Variants in USP45 observed in about 807,000 individuals in gnomAD.
USP45 encodes ubiquitin specific peptidase 45, also known as ubiquitin carboxyl-terminal hydrolase 45.
USP45 carries 89 observed loss-of-function variants against 95.8 expected under a neutral mutation model. The observed-to-expected ratio is 0.93, with a 90% CI of 0.78 to 1.11. USP45 has a LOEUF of 1.11. Among genes scored for constraint, USP45 ranks in the 50% least tolerant of loss-of-function variants. USP45 has a pLI of 0.00. For synonymous variants in USP45, 281 were observed against 316.2 expected (o/e 0.89, Z 1.18); for missense variants, 898 against 942.5 (o/e 0.95, Z 0.62).
chr6:99,466,586 G>T, intron 11 of USP45, 86 bp downstream of exon 11: 1 of 1,130,818 alleles, frequency 8.8e-7, no homozygotes, highest in Non-Finnish European at 1.3e-6. Flanking sequence ...AAAAATGACT[G>T]CCAATGATTA....
At chr6:99,491,111 T>C (rs1435028197) in intron 5 of USP45, among the ~76,000 whole-genome samples, 2 of 152,122 alleles carry the variant, frequency 1.3e-5, no homozygotes, top group Admixed American at 6.6e-5. Flanking sequence ...ACTAGCAAGA[T>C]AGGTCTCTTT....
At chr6:99,505,884 T>C (rs755539682) in intron 4 of USP45, among the ~76,000 whole-genome samples, 1 of 152,208 alleles carries the variant, frequency 6.6e-6, no homozygotes, top group Non-Finnish European at 1.5e-5. Context: ...CCTGAGATTC[T>C]GATGCACCTA....
intron 14 of USP45, among the ~76,000 whole-genome samples, chr6:99,444,021 A>T (rs1782008197): frequency 6.8e-6 from 1 of 148,050 alleles, no homozygotes; most frequent in East Asian, 2.0e-4. Flanking sequence ...TAGATTTCTA[A>T]TTTTTTTTTT....
At position 99,460,856 on chromosome 6, in the gene USP45, T is replaced by C. The variant is rs919793885; in HGVS notation, c.1308+3748A>G. 8 of 977,202 alleles carry C rather than the reference T, an allele frequency of 8.2e-6. No homozygotes were observed. In the African/African-American group the frequency reaches 1.2e-4, roughly 15 times the overall value. The allele number at this position is 977,202 out of a possible 1,614,324, so 60.5% of individuals were successfully genotyped here. The stretch of plus-strand genomic sequence containing the variant: ...TAAAAAGAAAACAGAGGAAATAAGA[T>C]GGAACACAAAAATTATTCAATTAAA... On this transcript the variant is annotated intron_variant, in intron 13 of 17. Transcript: ENST00000500704.
intron 5 of USP45, among the ~76,000 whole-genome samples, chr6:99,498,538 A>G (rs1341709641): frequency 6.6e-6 from 1 of 152,220 alleles, no homozygotes; most frequent in African/African-American, 2.4e-5. Flanking sequence ...AAAGCATCCT[A>G]GAAGTAGGAT....
chr6:99,462,197 T>C (rs1786621279), intron 13 of USP45: 1 of 975,852 alleles, frequency 1.0e-6, no homozygotes, highest in African/African-American at 1.8e-5. Context: ...CAAAAAATAT[T>C]ATATGAAAAA....
Position 99,503,412 on chromosome 6 carries a change from C to T in USP45, c.478+353G>A, listed in dbSNP as rs531407972. Among the ~76,000 whole-genome samples the T allele has an allele frequency of 4.6e-5, 7 of 152,002 alleles. No homozygotes were observed. The East Asian group carries it at 5.8e-4, about 13-fold the overall frequency. On this transcript the variant is annotated intron_variant, in intron 5 of 17. Coordinates refer to ENST00000500704, the MANE Select transcript of USP45 (RefSeq NM_001346022.3). Reference sequence around the variant, plus strand: ...CATGTTCTTGGCTCACTGCAACCTCCGCCTCCCCTCCCAGGTTCAAGCGAT... The same window carrying T: ...CATGTTCTTGGCTCACTGCAACCTCTGCCTCCCCTCCCAGGTTCAAGCGAT...
chr6:99,440,849 A>G (rs1436544660), intron 15 of USP45, among the ~76,000 whole-genome samples: 1 of 152,182 alleles, frequency 6.6e-6, no homozygotes, highest in Non-Finnish European at 1.5e-5. Context: ...GACCTCTATA[A>G]GCACCCAATA....
upstream of USP45, among the ~76,000 whole-genome samples, chr6:99,515,831 A>G (rs1405919492): frequency 1.4e-5 from 2 of 139,608 alleles, no homozygotes; most frequent in Non-Finnish European, 3.0e-5. Flanking sequence ...CTGCAGTGCA[A>G]TGGCAAGATC....
intron 13 of USP45, among the ~76,000 whole-genome samples, chr6:99,455,716 G>A (rs1440013447): frequency 6.9e-6 from 1 of 145,128 alleles, no homozygotes; most frequent in African/African-American, 2.6e-5. Context: ...ATGAAATCCT[G>A]TCATTTGCAT....
At chr6:99,509,412 G>A (rs185809650) in intron 2 of USP45, among the ~76,000 whole-genome samples, 11 of 152,260 alleles carry the variant, frequency 7.2e-5, no homozygotes. Flanking sequence ...TCATATGTGA[G>A]TGTGTTTGTG....
intron 15 of USP45, among the ~76,000 whole-genome samples, chr6:99,440,187 A>G (rs896999927): frequency 6.6e-6 from 1 of 152,218 alleles, no homozygotes; most frequent in African/African-American, 2.4e-5. Flanking sequence ...ATTCAACTAA[A>G]GAGTAAACAG....
At chr6:99,449,776 G>A (rs1433253872) in intron 13 of USP45, among the ~76,000 whole-genome samples, 1 of 152,120 alleles carries the variant, frequency 6.6e-6, no homozygotes, top group Non-Finnish European at 1.5e-5. Flanking sequence ...CCACACAGTT[G>A]GAAGTCAAGC....
In USP45 at chr6:99,462,202, GA is replaced by G. The variant is rs895706317; in HGVS notation, c.1308+2401del. The G allele has an allele frequency of 6.2e-4, 603 of 976,050 alleles. 3 individuals carry two copies. In the African/African-American group the frequency reaches 0.01, roughly 16 times the overall value. The allele number at this position is 976,050 out of a possible 1,614,324, so 60.5% of individuals were successfully genotyped here. A position where few individuals can be genotyped will look rare whatever the true frequency, so the allele number is the denominator to read the frequency against. Reference sequence around the variant, plus strand: ...AAAAAAGTAACAAAAAATATTATATGAAAAAAATTTTCAATAAAGAGTAGGT... The same window carrying G: ...AAAAAAGTAACAAAAAATATTATATGAAAAAATTTTCAATAAAGAGTAGGT... On this transcript the variant is annotated intron_variant, in intron 13 of 17. Coordinates refer to ENST00000500704, the MANE Select transcript of USP45 (RefSeq NM_001346022.3).
chr6:99,497,619 A>G (rs1261313091), intron 5 of USP45, among the ~76,000 whole-genome samples: 1 of 152,232 alleles, frequency 6.6e-6, no homozygotes, highest in Non-Finnish European at 1.5e-5. Context: ...ATAAATGGGC[A>G]GTTATACATA....
chr6:99,459,997 A>G (rs1786029390), intron 13 of USP45, among the ~76,000 whole-genome samples: 1 of 152,152 alleles, frequency 6.6e-6, no homozygotes, highest in South Asian at 2.1e-4. Flanking sequence ...CCAATAAAAA[A>G]TTTCTATTCA....
intron 7 of USP45, among the ~76,000 whole-genome samples, chr6:99,486,009 C>T (rs189252199): frequency 1.4e-4 from 21 of 152,292 alleles, no homozygotes; most frequent in South Asian, 4.2e-4. Flanking sequence ...CTCTGAAAAT[C>T]GTACCTTCGT....
chr6:99,513,058 A>T (rs982488938), intron 1 of USP45, among the ~76,000 whole-genome samples: 4 of 152,178 alleles, frequency 2.6e-5, no homozygotes, highest in African/African-American at 9.7e-5. Context: ...CACATGGCAC[A>T]TTTAACTTCA....
intron 9 of USP45, among the ~76,000 whole-genome samples, chr6:99,469,451 T>C (rs1056925052): frequency 7.0e-6 from 1 of 143,878 alleles, no homozygotes; most frequent in African/African-American, 2.5e-5. Flanking sequence ...AAAAAATATA[T>C]ATATAATTAA....
Sources: allele counts gnomAD v4.1 joint callset (sites outside exome capture counted in the v4.1 genomes callset), GRCh38; gene constraint gnomAD v4.1.1; transcripts MANE v1.5; gene names NCBI Gene and HGNC (gene_info 2026-07-23, HGNC 2026-07-21).